The following C14orf132 variants were observed in gnomAD, a reference collection of about 807,000 sequenced individuals.
C14orf132 encodes the protein chromosome 14 open reading frame 132, also known as uncharacterized protein C14orf132.
Under a neutral mutation model 5.8 loss-of-function variants are expected in C14orf132, and 6 were observed. The ratio of observed to expected loss-of-function variants is 1.03; its 90% CI spans 0.57 to 2.04. The LOEUF is 2.04. Among genes scored for constraint, C14orf132 ranks in the 30% most tolerant of loss-of-function variants. The pLI is 0.00. For missense variants in C14orf132, 125 were observed against 115.8 expected (o/e 1.08, Z -0.37); for synonymous variants, 51 against 49.8 (o/e 1.02, Z -0.10).
intron 1 of C14orf132, among the ~76,000 whole-genome samples, chr14:96,082,595 C>T (rs1205523898): frequency 6.6e-6 from 1 of 152,186 alleles, no homozygotes; most frequent in African/African-American, 2.4e-5. Context: ...ACCTCTCAGC[C>T]GCCTGTCTCA....
At chr14:96,054,922 T>G (rs924821273) in intron 1 of C14orf132, among the ~76,000 whole-genome samples, 2 of 152,198 alleles carry the variant, frequency 1.3e-5, no homozygotes, top group African/African-American at 4.8e-5. Context: ...CTTTGACTCA[T>G]TCTGAGAGGA....
chr14:96,039,613 G>T lies in C14orf132; in HGVS notation c.27+86G>T. The T allele has an allele frequency of 7.6e-7, 1 of 1,316,224 alleles. No individual in the cohort carries two copies. Among genetic ancestry groups the T allele is most frequent in the South Asian group, 1.6e-5 (1 of 61,410 alleles). The allele number at this position is 1,316,224 out of a possible 1,614,324, so 81.5% of individuals were successfully genotyped here. A position where few individuals can be genotyped will look rare whatever the true frequency, so the allele number is the denominator to read the frequency against. ...GGTCTCGCCCTCCACGCTGGGGCTG[G>T]GCAGTGGCGCCCGCCCGCGATCCGC... is the stretch of plus-strand genomic sequence containing the variant. On this transcript the variant is annotated intron_variant, in intron 1 of 1. Transcript: ENST00000555004. This position sits in a 1 kb window ranked among gnomAD's most constrained non-coding sequence, Gnocchi z 5.3.
intron 1 of C14orf132, among the ~76,000 whole-genome samples, chr14:96,059,165 G>A (rs960330645): frequency 2.6e-5 from 4 of 152,160 alleles, no homozygotes; most frequent in African/African-American, 9.7e-5. Flanking sequence ...CACATCTGTA[G>A]TCCCAGCTAC....
intron 1 of C14orf132, among the ~76,000 whole-genome samples, chr14:96,043,747 C>T (rs192938741): frequency 6.6e-6 from 1 of 152,290 alleles, no homozygotes; most frequent in Admixed American, 6.5e-5. Flanking sequence ...TGAAACAGAT[C>T]CCTGGCTCTC....
At chr14:96,076,436 C>T (rs1294338566) in intron 1 of C14orf132, among the ~76,000 whole-genome samples, 1 of 152,062 alleles carries the variant, frequency 6.6e-6, no homozygotes, top group African/African-American at 2.4e-5. Flanking sequence ...GTTCTTATCT[C>T]TATTATTTCC....
chr14:96,079,934 C>A (rs1887981354), intron 1 of C14orf132, among the ~76,000 whole-genome samples: 1 of 152,128 alleles, frequency 6.6e-6, no homozygotes, highest in South Asian at 2.1e-4. Context: ...GTCAGATAAA[C>A]AACAAATAAT....
At chr14:96,073,016 A>G (rs1457399452) in intron 1 of C14orf132, among the ~76,000 whole-genome samples, 1 of 152,216 alleles carries the variant, frequency 6.6e-6, no homozygotes, top group Non-Finnish European at 1.5e-5. Context: ...TTTCTGGGTC[A>G]TATGATAAAC....
chr14:96,078,933 A>G (rs1887954915), intron 1 of C14orf132, among the ~76,000 whole-genome samples: 1 of 152,260 alleles, frequency 6.6e-6, no homozygotes. Context: ...GTGGGGCTTC[A>G]GCCCTCCCCG....
chr14:96,059,148 C>A (rs1887270249), intron 1 of C14orf132, among the ~76,000 whole-genome samples: 2 of 152,172 alleles, frequency 1.3e-5, no homozygotes, highest in East Asian at 1.9e-4. Context: ...ATTAGCCTAG[C>A]CAGGTGCACA....
intron 1 of C14orf132, among the ~76,000 whole-genome samples, chr14:96,085,109 C>G (rs1459879182): frequency 6.6e-6 from 1 of 152,220 alleles, no homozygotes; most frequent in African/African-American, 2.4e-5. Context: ...GTGCTATGGC[C>G]TTGACCTCTG....
chr14:96,086,417 T>C, intron 1 of C14orf132, 94 bp from the exon 2 acceptor site: 1 of 1,096,856 alleles, frequency 9.1e-7, no homozygotes, highest in Non-Finnish European at 1.3e-6. Flanking sequence ...CGTAGCTTCA[T>C]GTGGGGTTGT....
chr14:96,083,072 G>A (rs1888075802), intron 1 of C14orf132, among the ~76,000 whole-genome samples: 1 of 152,182 alleles, frequency 6.6e-6, no homozygotes, highest in South Asian at 2.1e-4. Context: ...TCCCACTACA[G>A]GTGCAGGGCA....
intron 1 of C14orf132, among the ~76,000 whole-genome samples, chr14:96,067,571 CA>C (rs1566830315): frequency 6.6e-6 from 1 of 151,864 alleles, no homozygotes; most frequent in Non-Finnish European, 1.5e-5. Context: ...TGGTGGTGGG[CA>C]CCTATAATCC....
At chr14:96,042,416 G>A (rs960533236) in intron 1 of C14orf132, among the ~76,000 whole-genome samples, 7 of 152,198 alleles carry the variant, frequency 4.6e-5, no homozygotes, top group African/African-American at 1.7e-4. Context: ...CTCAGCCCCT[G>A]TAGAGGATAG....
At chr14:96,085,775 C>T (rs1472009245) in intron 1 of C14orf132, among the ~76,000 whole-genome samples, 5 of 152,174 alleles carry the variant, frequency 3.3e-5, no homozygotes, top group African/African-American at 9.7e-5. Flanking sequence ...GGATGTTGAT[C>T]AGTGCATCAT....
intron 1 of C14orf132, among the ~76,000 whole-genome samples, chr14:96,044,352 T>C (rs1886778688): frequency 6.6e-6 from 1 of 152,106 alleles, no homozygotes; most frequent in Admixed American, 6.5e-5. Flanking sequence ...CTTTTAAAAA[T>C]TATCTTTAGT....
At chr14:96,074,720 A>C (rs559473457) in intron 1 of C14orf132, among the ~76,000 whole-genome samples, 1 of 152,328 alleles carries the variant, frequency 6.6e-6, no homozygotes, top group African/African-American at 2.4e-5. Flanking sequence ...AATTTTTTCA[A>C]AAATTAATTG....
chr14:96,052,789 G>A (rs897653907), intron 1 of C14orf132, among the ~76,000 whole-genome samples: 1 of 151,972 alleles, frequency 6.6e-6, no homozygotes, highest in African/African-American at 2.4e-5. Context: ...GGGCCCAGCA[G>A]CACAGGCATT....
chr14:96,089,811 G>T lies in C14orf132; in HGVS notation c.*3076G>T, dbSNP rs1888322836. ...GGGACCCTCCCTGGCCAACACCCAG[G>T]AGCCCAGCAGAAGCACCCACACGTA... On this transcript the variant is annotated 3_prime_UTR_variant, in exon 2 of 2. Transcript: ENST00000555004. 6.6e-6 allele frequency: 1 copy of T among 151,992 alleles called. No individual in the cohort carries two copies. The highest frequency in any genetic ancestry group is 1.5e-5 in the Non-Finnish European group (1 of 68,086). 9.4% of individuals were successfully genotyped at this position (151,992 alleles called of 1,614,324 possible). A position where few individuals can be genotyped will look rare whatever the true frequency, so the allele number is the denominator to read the frequency against.
Sources: allele counts gnomAD v4.1 joint callset (sites outside exome capture counted in the v4.1 genomes callset), GRCh38; gene constraint gnomAD v4.1.1; non-coding constraint Gnocchi (gnomAD v3.1); transcripts MANE v1.5; gene names NCBI Gene and HGNC (gene_info 2026-07-23, HGNC 2026-07-21).